The following JAZF1 variants were observed in gnomAD, a reference collection of about 807,000 sequenced individuals.
JAZF1 encodes JAZF zinc finger 1.
JAZF1 carries 8 observed loss-of-function variants against 26.4 expected under a neutral mutation model. That is an observed-to-expected ratio of 0.30 (90% CI 0.18 to 0.55). The LOEUF (loss-of-function observed/expected upper bound fraction) is 0.55. JAZF1 is among the 20% of genes least tolerant of loss of function. The pLI is 0.94. For synonymous variants in JAZF1, 126 were observed against 122.3 expected, an observed-to-expected ratio of 1.03 and a Z score of -0.20; for missense variants, 199 against 322.0, an observed-to-expected ratio of 0.62 and a Z score of 2.92.
intron 2 of JAZF1, among the ~76,000 whole-genome samples, chr7:27,918,324 C>G (rs539550125): frequency 1.3e-5 from 2 of 152,172 alleles, no homozygotes; most frequent in Non-Finnish European, 2.9e-5. Context: ...GCTTGAGTTA[C>G]ATCTTCATCA....
At chr7:27,914,960 A>C (rs1784422096) in intron 2 of JAZF1, among the ~76,000 whole-genome samples, 1 of 152,210 alleles carries the variant, frequency 6.6e-6, no homozygotes, top group African/African-American at 2.4e-5. Flanking sequence ...TGGTGAAGAA[A>C]TGAGCCCCAG....
intron 3 of JAZF1, among the ~76,000 whole-genome samples, chr7:27,891,425 C>T (rs547054998): frequency 2.0e-5 from 3 of 152,158 alleles, no homozygotes; most frequent in South Asian, 2.1e-4. Flanking sequence ...ATGATTTAAA[C>T]TATTCTAAGC....
intron 1 of JAZF1, among the ~76,000 whole-genome samples, chr7:28,166,447 G>C (rs1477648715): frequency 6.6e-6 from 1 of 152,124 alleles, no homozygotes; most frequent in Non-Finnish European, 1.5e-5. Context: ...ATGGCATTTT[G>C]TGAGTCCTAG....
intron 2 of JAZF1, among the ~76,000 whole-genome samples, chr7:27,902,671 C>A (rs1388685913): frequency 6.6e-6 from 1 of 152,214 alleles, no homozygotes; most frequent in Non-Finnish European, 1.5e-5. Context: ...GCACTTAGAA[C>A]AGGGCCTGAC....
At chr7:28,118,679 G>A (rs999883494) in intron 1 of JAZF1, among the ~76,000 whole-genome samples, 9 of 151,758 alleles carry the variant, frequency 5.9e-5, no homozygotes, top group African/African-American at 2.2e-4. Context: ...CTTCAAGTTT[G>A]TATTCAATCC....
At chr7:28,031,351 G>T (rs1373952476) in intron 1 of JAZF1, among the ~76,000 whole-genome samples, 1 of 152,136 alleles carries the variant, frequency 6.6e-6, no homozygotes, top group Non-Finnish European at 1.5e-5. Context: ...AACAAACACC[G>T]GCATGGTGAT....
intron 1 of JAZF1, among the ~76,000 whole-genome samples, chr7:28,110,556 AAAGGG>A (rs1311159300): frequency 1.8e-4 from 22 of 122,340 alleles, no homozygotes; most frequent in Middle Eastern, 4.0e-3. Flanking sequence ...AAGGAAAAGG[AAAGGG>A]AAAGGAAAAG....
intron 2 of JAZF1, among the ~76,000 whole-genome samples, chr7:27,917,992 G>A (rs1310352696): frequency 1.3e-5 from 2 of 152,134 alleles, no homozygotes; most frequent in African/African-American, 4.8e-5. Flanking sequence ...TTTAGAGAAT[G>A]CACAAGCGAT....
intron 1 of JAZF1, among the ~76,000 whole-genome samples, chr7:28,094,391 C>T (rs1784349145): frequency 6.6e-6 from 1 of 152,224 alleles, no homozygotes; most frequent in South Asian, 2.1e-4. Context: ...ACTCGCCAAA[C>T]ATCAGCAGTC....
intron 1 of JAZF1, among the ~76,000 whole-genome samples, chr7:27,998,071 A>AAGGAAGGAAGGAAGGAAGGCAGGCAGGC (rs10691690): frequency 5.4e-5 from 6 of 111,602 alleles, no homozygotes; most frequent in African/African-American, 2.5e-4. Context: ...GGAAGGAAGG[A>AAGGAAGGAAGGAAGGAAGGCAGGCAGGC]AGGCAGGCAG....
chr7:27,874,892 G>A (rs1456956860), intron 3 of JAZF1, among the ~76,000 whole-genome samples: 1 of 152,160 alleles, frequency 6.6e-6, no homozygotes, highest in Non-Finnish European at 1.5e-5. Flanking sequence ...ACTACCTACA[G>A]ATGATGTTGG....
intron 1 of JAZF1, among the ~76,000 whole-genome samples, chr7:28,046,634 C>G (rs7457676): frequency 6.6e-6 from 1 of 151,802 alleles, no homozygotes; most frequent in African/African-American, 2.4e-5. Context: ...AGCGTCCTTT[C>G]TGACACAACT....
chr7:27,875,670 G>C (rs559065977), intron 3 of JAZF1, among the ~76,000 whole-genome samples: 1 of 152,312 alleles, frequency 6.6e-6, no homozygotes, highest in Admixed American at 6.5e-5. Context: ...CCCTGCATGG[G>C]CTCTGAGCTC....
intron 1 of JAZF1, among the ~76,000 whole-genome samples, chr7:28,141,523 T>C (rs1782958727): frequency 6.6e-6 from 1 of 152,250 alleles, no homozygotes; most frequent in Admixed American, 6.5e-5. Flanking sequence ...GATTGTATTA[T>C]GGCCCTAAGA....
At chr7:27,978,914 G>C (rs1785523629) in intron 2 of JAZF1, among the ~76,000 whole-genome samples, 1 of 151,580 alleles carries the variant, frequency 6.6e-6, no homozygotes, top group Non-Finnish European at 1.5e-5. Context: ...AGAAAGGCAG[G>C]GGAGAGGGGG....
intron 1 of JAZF1, among the ~76,000 whole-genome samples, chr7:28,129,854 A>AT (rs963024651): frequency 3.3e-5 from 5 of 151,368 alleles, no homozygotes; most frequent in African/African-American, 7.3e-5. Flanking sequence ...TTCCAAATAC[A>AT]TTTTTTTTTA....
At chr7:27,883,280 C>T (rs1423123123) in intron 3 of JAZF1, among the ~76,000 whole-genome samples, 1 of 152,152 alleles carries the variant, frequency 6.6e-6, no homozygotes, top group Non-Finnish European at 1.5e-5. Flanking sequence ...GGACCTAGGA[C>T]CAATGCCTCA....
At chr7:27,905,454 G>T (rs1446261320) in intron 2 of JAZF1, among the ~76,000 whole-genome samples, 8 of 150,018 alleles carry the variant, frequency 5.3e-5, no homozygotes, top group African/African-American at 1.7e-4. Context: ...TTTTGTGGGG[G>T]AGAGGGAAGA....
At position 28,027,542 on chromosome 7, in the gene JAZF1, T is replaced by C. The variant is rs533292064; in HGVS notation, c.116-35561A>G. 2.6e-5 allele frequency among the ~76,000 whole-genome samples: 4 copies of C among 152,312 alleles called. No homozygotes were observed. The South Asian group carries it at 8.3e-4, about 32-fold the overall frequency. On this transcript the variant is annotated intron_variant, in intron 1 of 4. Coordinates refer to ENST00000283928, the MANE Select transcript of JAZF1 (RefSeq NM_175061.4). ...TGCAAAAATCTGGGAAATACTTCCTTAGACTCCATGCCAAGGCTTCTGAAG... is the reference window on the plus strand; with the variant it reads ...TGCAAAAATCTGGGAAATACTTCCTCAGACTCCATGCCAAGGCTTCTGAAG...
Sources: gnomAD v4.1 joint callset for allele counts (sites outside exome capture counted in the v4.1 genomes callset) on GRCh38, gnomAD v4.1.1 for gene constraint, MANE v1.5 for transcripts, NCBI Gene and HGNC (gene_info 2026-07-23, HGNC 2026-07-21) for gene names.